Variants in F13A1 observed in about 807,000 individuals in gnomAD.
F13A1 encodes FSF, A subunit.
Under a neutral mutation model 80.1 loss-of-function variants are expected in F13A1, and 47 were observed. That is an observed-to-expected ratio of 0.59 (90% CI 0.46 to 0.75). The LOEUF (loss-of-function observed/expected upper bound fraction) is 0.75, where lower values mean the gene tolerates loss of function less well. F13A1 is among the 30% of genes least tolerant of loss of function. The pLI is 0.00. For missense variants in F13A1, 817 were observed against 930.4 expected, an observed-to-expected ratio of 0.88 and a Z score of 1.59; for synonymous variants, 349 against 344.9, an observed-to-expected ratio of 1.01 and a Z score of -0.13.
intron 13 of F13A1, among the ~76,000 whole-genome samples, chr6:6,153,393 C>CT (rs1305918233): frequency 6.6e-6 from 1 of 152,148 alleles, no homozygotes; most frequent in Non-Finnish European, 1.5e-5. Flanking sequence ...ATCACATGTA[C>CT]CCCATAAATA....
intron 13 of F13A1, among the ~76,000 whole-genome samples, chr6:6,157,572 A>G (rs1406841731): frequency 6.6e-6 from 1 of 152,246 alleles, no homozygotes; most frequent in Non-Finnish European, 1.5e-5. Context: ...ATTAGAAAAC[A>G]TCTATAACTC....
intron 3 of F13A1, among the ~76,000 whole-genome samples, chr6:6,271,836 T>TTCGA: frequency 6.6e-6 from 1 of 152,368 alleles, no homozygotes; most frequent in South Asian, 2.1e-4. Flanking sequence ...TATGCCTATA[T>TTCGA]TCGAATGTCT....
intron 3 of F13A1, among the ~76,000 whole-genome samples, chr6:6,289,581 T>G (rs940096621): frequency 3.9e-5 from 6 of 152,160 alleles, no homozygotes; most frequent in African/African-American, 1.4e-4. Flanking sequence ...GTGAGATTTT[T>G]TTCCCCCTTG....
At chr6:6,292,364 C>T (rs1382700180) in intron 3 of F13A1, among the ~76,000 whole-genome samples, 1 of 152,184 alleles carries the variant, frequency 6.6e-6, no homozygotes. Flanking sequence ...ACCCTCCTCC[C>T]TTCCACCCCT....
chr6:6,211,201 T>TA (rs1761601858), intron 8 of F13A1, among the ~76,000 whole-genome samples: 1 of 152,232 alleles, frequency 6.6e-6, no homozygotes, highest in African/African-American at 2.4e-5. Context: ...TGTCAGCACT[T>TA]AAATCAGGGC....
chr6:6,232,335 C>T (rs1009701871), intron 6 of F13A1, among the ~76,000 whole-genome samples: 12 of 152,102 alleles, frequency 7.9e-5, no homozygotes, highest in Admixed American at 2.0e-4. Flanking sequence ...TTTAAAGCAA[C>T]AGCAGTTAAA....
intron 8 of F13A1, among the ~76,000 whole-genome samples, chr6:6,197,819 T>C (rs1761317904): frequency 6.6e-6 from 1 of 152,266 alleles, no homozygotes; most frequent in East Asian, 1.9e-4. Flanking sequence ...CTCATTGGCA[T>C]CCCTCAGGAC....
rs1468853124 is a variant in F13A1 at position 6,308,397 on chromosome 6, CA to C, written c.131-2859del. Among the ~76,000 whole-genome samples the C allele has an allele frequency of 2.0e-5, 3 of 150,606 alleles. No homozygotes were observed. The East Asian group carries it at 5.8e-4, about 29-fold the overall frequency. ...TGTTTTGGAATATTTTCCACTTTGT[CA>C]ATTTCTCTTTTGAAGTGTTATTTTC... On this transcript the variant is annotated intron_variant, in intron 2 of 14. Coordinates refer to ENST00000264870, the MANE Select transcript of F13A1 (RefSeq NM_000129.4).
chr6:6,220,340 A>G (rs1360254154), intron 8 of F13A1, among the ~76,000 whole-genome samples: 3 of 152,186 alleles, frequency 2.0e-5, no homozygotes, highest in Non-Finnish European at 4.4e-5. Context: ...TGTCAGGAAA[A>G]GGGGAAGTAA....
At chr6:6,310,802 A>AG (rs1758579236) in intron 2 of F13A1, among the ~76,000 whole-genome samples, 1 of 152,184 alleles carries the variant, frequency 6.6e-6, no homozygotes, top group South Asian at 2.1e-4. Flanking sequence ...ATTGGCCCTT[A>AG]GGACCAATCA....
intron 8 of F13A1, among the ~76,000 whole-genome samples, chr6:6,204,513 A>C (rs140921347): frequency 1.3e-4 from 20 of 152,366 alleles, no homozygotes; most frequent in Non-Finnish European, 2.5e-4. Flanking sequence ...CTGCTAATAC[A>C]TTCCGAATAC....
At chr6:6,186,007 G>A (rs1450083897) in intron 10 of F13A1, among the ~76,000 whole-genome samples, 4 of 151,012 alleles carry the variant, frequency 2.6e-5, no homozygotes, top group Non-Finnish European at 3.0e-5. Flanking sequence ...TTTTTTGGCT[G>A]CATAAATGTC....
chr6:6,226,194 G>A (rs897916970), intron 6 of F13A1, among the ~76,000 whole-genome samples: 6 of 152,150 alleles, frequency 3.9e-5, no homozygotes, highest in African/African-American at 4.8e-5. Context: ...TAGGTGGGGA[G>A]TCCAGGAGCT....
chr6:6,257,682 C>T (rs1269924443), intron 4 of F13A1, among the ~76,000 whole-genome samples: 1 of 152,218 alleles, frequency 6.6e-6, no homozygotes, highest in Non-Finnish European at 1.5e-5. Flanking sequence ...ATATCTCCCA[C>T]AGTGCTCACG....
At chr6:6,236,930 G>A (rs1014137406) in intron 6 of F13A1, among the ~76,000 whole-genome samples, 12 of 152,114 alleles carry the variant, frequency 7.9e-5, no homozygotes, top group African/African-American at 2.9e-4. Flanking sequence ...CAGTGTGGTG[G>A]TGACCAGACT....
chr6:6,198,110 A>G (rs1761323623), intron 8 of F13A1, among the ~76,000 whole-genome samples: 1 of 152,216 alleles, frequency 6.6e-6, no homozygotes, highest in Non-Finnish European at 1.5e-5. Flanking sequence ...TACTGTAGAA[A>G]CTACAACAAT....
Position 6,185,429 on chromosome 6 carries a change from A to T in F13A1, c.1306-3288T>A, listed in dbSNP as rs926286895. Among the ~76,000 whole-genome samples, 2 of 119,330 alleles carry T rather than the reference A, an allele frequency of 1.7e-5. 1 individual carries two copies. The highest frequency in any genetic ancestry group is 1.9e-4 in the Admixed American group (2 of 10,358). The allele number at this position is 119,330 out of a possible 152,430, so 78.3% of individuals were successfully genotyped here. ...ATAGTTTACTGAGAATGATGATGTG[A>T]TCTCATTGTTCAATTCCCACCTATG... On this transcript the variant is annotated intron_variant, in intron 10 of 14. Transcript: ENST00000264870.
intron 12 of F13A1, among the ~76,000 whole-genome samples, chr6:6,168,961 G>A (rs1033175372): frequency 6.6e-6 from 1 of 152,208 alleles, no homozygotes; most frequent in African/African-American, 2.4e-5. Flanking sequence ...GTCTTGGGCA[G>A]CACTTCTATT....
At chr6:6,259,420 G>C (rs187363398) in intron 4 of F13A1, among the ~76,000 whole-genome samples, 19 of 152,254 alleles carry the variant, frequency 1.2e-4, no homozygotes, top group African/African-American at 4.3e-4. Context: ...AAGCATCCAA[G>C]ATATTGGGAA....
Sources: gnomAD v4.1 joint callset for allele counts (sites outside exome capture counted in the v4.1 genomes callset) on GRCh38, gnomAD v4.1.1 for gene constraint, MANE v1.5 for transcripts, NCBI Gene and HGNC (gene_info 2026-07-23, HGNC 2026-07-21) for gene names.